SLC24A3: variants seen among roughly 807,000 people sequenced by gnomAD.
The protein encoded by SLC24A3 is sodium/potassium/calcium exchanger 3.
Under a neutral mutation model 75.8 loss-of-function variants are expected in SLC24A3, and 28 were observed. The ratio of observed to expected loss-of-function variants is 0.37; its 90% CI spans 0.27 to 0.51. The LOEUF is 0.51. Among genes scored for constraint, SLC24A3 ranks in the 20% least tolerant of loss-of-function variants. The pLI, the probability that SLC24A3 is intolerant of heterozygous loss-of-function variation, is 0.94. For synonymous variants in SLC24A3, 372 were observed against 334.1 expected, an observed-to-expected ratio of 1.11 and a Z score of -1.24; for missense variants, 663 against 847.8, an observed-to-expected ratio of 0.78 and a Z score of 2.71.
intron 3 of SLC24A3, among the ~76,000 whole-genome samples, chr20:19,552,935 T>C (rs971045414): frequency 2.5e-4 from 38 of 152,288 alleles, no homozygotes; most frequent in African/African-American, 9.1e-4. Flanking sequence ...GAATTTGTCC[T>C]GTGCAGTGCG....
intron 2 of SLC24A3, among the ~76,000 whole-genome samples, chr20:19,326,967 T>C (rs1437816945): frequency 1.3e-5 from 2 of 152,104 alleles, no homozygotes; most frequent in African/African-American, 2.4e-5. Flanking sequence ...AGAAACTCAT[T>C]AGCAGAAGAC....
chr20:19,604,490 G>T (rs2031570225), intron 6 of SLC24A3, among the ~76,000 whole-genome samples: 1 of 152,192 alleles, frequency 6.6e-6, no homozygotes, highest in African/African-American at 2.4e-5. Context: ...AGGCAGGGCT[G>T]GGTGGGGGGT....
At chr20:19,390,710 A>C (rs1986351376) in intron 2 of SLC24A3, among the ~76,000 whole-genome samples, 1 of 152,206 alleles carries the variant, frequency 6.6e-6, no homozygotes, top group Non-Finnish European at 1.5e-5. Flanking sequence ...TGTATCAGCT[A>C]TAATTGCTGA....
In SLC24A3 at chr20:19,685,219, C is replaced by G; in HGVS notation, c.1182C>G (p.Gly394=). The change falls in exon 12 of 17, where the codon GGC becomes GGG. Residue 394 remains glycine, a synonymous_variant. Coordinates refer to ENST00000328041, the MANE Select transcript of SLC24A3 (RefSeq NM_020689.4). The stretch of plus-strand genomic sequence containing the variant: ...GGCCCAGCAGTGCCCCAGACAGGGG[C>G]GTGAATGGGACACGGAGGGACGATG... ...GTGPSSAPDR[G]VNGTRRDDVV... 6.2e-7 allele frequency: 1 copy of G among 1,613,966 alleles called. No individual in the cohort carries two copies.
At chr20:19,309,036 A>G (rs2122257618) in intron 2 of SLC24A3, among the ~76,000 whole-genome samples, 1 of 152,312 alleles carries the variant, frequency 6.6e-6, no homozygotes, top group African/African-American at 2.4e-5. Context: ...CGTGGAGGAC[A>G]TATGTTATTT....
At chr20:19,658,970 T>C (rs1286771195) in intron 7 of SLC24A3, among the ~76,000 whole-genome samples, 1 of 152,224 alleles carries the variant, frequency 6.6e-6, no homozygotes, top group Non-Finnish European at 1.5e-5. Flanking sequence ...CATAATGAGG[T>C]AATTTACATA....
At chr20:19,697,276 C>G (rs1037976356) in intron 14 of SLC24A3, among the ~76,000 whole-genome samples, 7 of 152,174 alleles carry the variant, frequency 4.6e-5, no homozygotes, top group Non-Finnish European at 8.8e-5. Flanking sequence ...CTTCTGGAGG[C>G]TGTATCACCA....
intron 2 of SLC24A3, among the ~76,000 whole-genome samples, chr20:19,330,709 T>C (rs1984978181): frequency 6.6e-6 from 1 of 152,226 alleles, no homozygotes; most frequent in South Asian, 2.1e-4. Context: ...ATTGGTCTGA[T>C]AAAAGTCATC....
At chr20:19,379,372 A>G (rs960437039) in intron 2 of SLC24A3, among the ~76,000 whole-genome samples, 5 of 152,154 alleles carry the variant, frequency 3.3e-5, no homozygotes, top group African/African-American at 1.2e-4. Context: ...GAAGGCCAAG[A>G]TGCCAGCCAC....
chr20:19,334,619 G>T (rs6136684), intron 2 of SLC24A3, among the ~76,000 whole-genome samples: 8,463 of 152,142 alleles, frequency 0.056, 631 homozygotes, highest in East Asian at 0.26. Flanking sequence ...CATTGTCTTA[G>T]GTGGGTTCCT....
rs1981640894 is a variant in SLC24A3 at position 19,219,133 on chromosome 20, G to T, written c.142+6149G>T. ...ACCCAAATGGAAGAAGGTTTTGTATGAACCAAGTGGTGATGGGCTTCAGGT... is the reference window on the plus strand; with the variant it reads ...ACCCAAATGGAAGAAGGTTTTGTATTAACCAAGTGGTGATGGGCTTCAGGT... On this transcript the variant is annotated intron_variant, in intron 1 of 16. Transcript: ENST00000328041. Among the ~76,000 whole-genome samples the T allele has an allele frequency of 3.3e-5, 5 of 152,146 alleles. 1 individual carries two copies. The highest frequency in any genetic ancestry group is 3.3e-4 in the Admixed American group (5 of 15,282).
intron 1 of SLC24A3, among the ~76,000 whole-genome samples, chr20:19,275,648 G>A (rs74173316): frequency 2.6e-5 from 4 of 152,128 alleles, no homozygotes; most frequent in Admixed American, 6.5e-5. Flanking sequence ...GGAGGAGGGC[G>A]GTAGGGGAGG....
intron 2 of SLC24A3, among the ~76,000 whole-genome samples, chr20:19,435,602 C>T (rs544095540): frequency 3.5e-4 from 53 of 152,278 alleles, no homozygotes; most frequent in South Asian, 1.7e-3. Flanking sequence ...AAAGTACTCA[C>T]GGTCACCTTT....
rs117919495 is a variant in SLC24A3 at position 19,470,755 on chromosome 20, C to G, written c.272-44733C>G. ...GACTTGGCACCAAGTAGATCACACA[C>G]GTATGCATGTTAGTTCATTCCTTTA... is the stretch of plus-strand genomic sequence containing the variant. On this transcript the variant is annotated intron_variant, in intron 2 of 16. Coordinates refer to ENST00000328041, the MANE Select transcript of SLC24A3 (RefSeq NM_020689.4). Among the ~76,000 whole-genome samples the G allele has an allele frequency of 3.9e-5, 6 of 152,322 alleles. No homozygotes were observed. In the East Asian group the frequency reaches 1.2e-3, roughly 29 times the overall value.
At chr20:19,550,333 T>G (rs1248292024) in intron 3 of SLC24A3, among the ~76,000 whole-genome samples, 1 of 152,174 alleles carries the variant, frequency 6.6e-6, no homozygotes, top group Non-Finnish European at 1.5e-5. Flanking sequence ...AATGTGTCAC[T>G]TGAGAATCCC....
At chr20:19,633,914 A>G (rs547387113) in intron 6 of SLC24A3, among the ~76,000 whole-genome samples, 43 of 152,324 alleles carry the variant, frequency 2.8e-4, no homozygotes, top group Admixed American at 1.4e-3. Flanking sequence ...ATGCCTGGCA[A>G]TCATAAATAT....
chr20:19,578,460 G>A (rs764038859), intron 3 of SLC24A3, among the ~76,000 whole-genome samples: 2 of 152,070 alleles, frequency 1.3e-5, no homozygotes, highest in African/African-American at 2.4e-5. Flanking sequence ...AGCTCCAGAT[G>A]TGGGGTGTTT....
At chr20:19,461,824 T>C (rs79014670) in intron 2 of SLC24A3, among the ~76,000 whole-genome samples, 10,202 of 152,224 alleles carry the variant, frequency 0.067, 1,124 homozygotes, top group African/African-American at 0.23. Context: ...TGAGCCATCG[T>C]GCCTGGCCCC....
chr20:19,216,604 G>GTCTCTGTTTTCTGTT (rs1981563555), intron 1 of SLC24A3, among the ~76,000 whole-genome samples: 1 of 151,638 alleles, frequency 6.6e-6, no homozygotes, highest in African/African-American at 2.4e-5. Flanking sequence ...GTGAGACCCT[G>GTCTCTGTTTTCTGTT]TCTCAAAAAC....
Sources: allele counts gnomAD v4.1 joint callset (sites outside exome capture counted in the v4.1 genomes callset), GRCh38; gene constraint gnomAD v4.1.1; transcripts MANE v1.5; gene names NCBI Gene and HGNC (gene_info 2026-07-23, HGNC 2026-07-21).